Variants in MYLK observed in about 807,000 individuals in gnomAD.
MYLK encodes the protein myosin light chain kinase, smooth muscle.
In MYLK, 106 loss-of-function variants were observed where a neutral mutation model predicts 203.4. The observed-to-expected ratio is 0.52, with a 90% confidence interval of 0.45 to 0.61. MYLK has a LOEUF of 0.61. MYLK is among the 20% of genes least tolerant of loss of function. The pLI, the probability that MYLK is intolerant of heterozygous loss-of-function variation, is 0.00. For synonymous variants in MYLK, 867 were observed against 959.5 expected, an observed-to-expected ratio of 0.90 and a Z score of 1.78; for missense variants, 2,072 against 2,442.3, an observed-to-expected ratio of 0.85 and a Z score of 3.20.
At chr3:123,752,564 G>A (rs1010107476) in intron 4 of MYLK, 26 bp from the exon 5 acceptor site, 3 of 1,594,546 alleles carry the variant, frequency 1.9e-6, no homozygotes, top group African/African-American at 2.7e-5. Flanking sequence ...GAAAGGGTAA[G>A]AGCCTGTATT....
At chr3:123,807,043 G>A (rs1245951147) in intron 3 of MYLK, among the ~76,000 whole-genome samples, 1 of 152,132 alleles carries the variant, frequency 6.6e-6, no homozygotes, top group East Asian at 1.9e-4. Context: ...CTTGCCTAAG[G>A]TCATATAGTT....
At chr3:123,847,050 C>T (rs575005641) in intron 2 of MYLK, among the ~76,000 whole-genome samples, 10 of 151,812 alleles carry the variant, frequency 6.6e-5, no homozygotes, top group Admixed American at 5.3e-4. Flanking sequence ...AACTGCAAAT[C>T]CAAAATATAT....
intron 19 of MYLK, among the ~76,000 whole-genome samples, chr3:123,686,265 G>A (rs972726615): frequency 6.6e-6 from 1 of 152,174 alleles, no homozygotes; most frequent in African/African-American, 2.4e-5. Flanking sequence ...AGATGGAGGT[G>A]TGAGGAAGTG....
intron 2 of MYLK, among the ~76,000 whole-genome samples, chr3:123,842,319 A>G (rs1331525585): frequency 2.6e-5 from 4 of 152,186 alleles, no homozygotes; most frequent in African/African-American, 9.6e-5. Flanking sequence ...TGAGATAAAG[A>G]GGTAGAGAAT....
chr3:123,743,802 T>C (rs1560162646), intron 5 of MYLK, among the ~76,000 whole-genome samples: 1 of 152,214 alleles, frequency 6.6e-6, no homozygotes, highest in South Asian at 2.1e-4. Context: ...GGTCAGAACA[T>C]ACTGCTCAAA....
At chr3:123,708,925 GT>G (rs1239615671) in intron 14 of MYLK, 30 bp from the exon 15 acceptor site, 5 of 1,601,668 alleles carry the variant, frequency 3.1e-6, no homozygotes, top group Non-Finnish European at 4.3e-6. Context: ...AGGGGGATTG[GT>G]TAGGGAGGTC....
intron 3 of MYLK, among the ~76,000 whole-genome samples, chr3:123,809,551 A>G (rs1324886109): frequency 6.6e-6 from 1 of 152,132 alleles, no homozygotes; most frequent in African/African-American, 2.4e-5. Context: ...ACAAACAAAA[A>G]GAAGACCTCT....
At chr3:123,876,232 G>C (rs11928557) in intron 2 of MYLK, among the ~76,000 whole-genome samples, 14,644 of 151,736 alleles carry the variant, frequency 0.097, 1,093 homozygotes, top group East Asian at 0.35. Flanking sequence ...TTTATTCCAG[G>C]AAGGCAAGAA....
At chr3:123,808,248 C>T (rs1377579245) in intron 3 of MYLK, among the ~76,000 whole-genome samples, 1 of 152,194 alleles carries the variant, frequency 6.6e-6, no homozygotes, top group Non-Finnish European at 1.5e-5. Flanking sequence ...TCTCAGGTTC[C>T]TTTAGAATTC....
At chr3:123,810,923 T>G (rs916053586) in intron 3 of MYLK, among the ~76,000 whole-genome samples, 1 of 152,218 alleles carries the variant, frequency 6.6e-6, no homozygotes, top group African/African-American at 2.4e-5. Flanking sequence ...CTTAACAGTC[T>G]CATTTTTCTA....
intron 4 of MYLK, among the ~76,000 whole-genome samples, chr3:123,771,714 A>G (rs769289368): frequency 2.0e-5 from 3 of 152,242 alleles, no homozygotes; most frequent in African/African-American, 4.8e-5. Context: ...TGCATTTAAC[A>G]TAGTGACTCC....
At chr3:123,822,452 C>A (rs537006697) in intron 3 of MYLK, among the ~76,000 whole-genome samples, 5 of 152,292 alleles carry the variant, frequency 3.3e-5, no homozygotes, top group South Asian at 4.1e-4. Flanking sequence ...ACTGGTAGTT[C>A]TGTGTAAGAA....
intron 13 of MYLK, among the ~76,000 whole-genome samples, chr3:123,719,966 T>C (rs1480477502): frequency 2.0e-5 from 3 of 152,168 alleles, no homozygotes; most frequent in Non-Finnish European, 2.9e-5. Flanking sequence ...CCAGGGGGTG[T>C]CGCTGTGCCA....
intron 2 of MYLK, among the ~76,000 whole-genome samples, chr3:123,874,467 A>G (rs1166203389): frequency 6.6e-6 from 1 of 152,156 alleles, no homozygotes; most frequent in Non-Finnish European, 1.5e-5. Context: ...TATACCTTAC[A>G]TCATGTATAA....
chr3:123,769,411 C>T (rs1560194515), intron 4 of MYLK, among the ~76,000 whole-genome samples: 1 of 152,194 alleles, frequency 6.6e-6, no homozygotes, highest in South Asian at 2.1e-4. Flanking sequence ...ATATTTGGCA[C>T]AACTTACTGC....
intron 4 of MYLK, among the ~76,000 whole-genome samples, chr3:123,786,603 G>A (rs943116497): frequency 6.6e-6 from 1 of 151,976 alleles, no homozygotes; most frequent in East Asian, 1.9e-4. Flanking sequence ...TAGCACAACA[G>A]GGTACCTATA....
rs142918017 is a variant in MYLK at position 123,772,277 on chromosome 3, T to A, written c.166-19739A>T. Among the ~76,000 whole-genome samples the A allele has an allele frequency of 3.3e-5, 5 of 152,294 alleles. No individual in the cohort carries two copies. In the East Asian group the frequency reaches 9.6e-4, roughly 29 times the overall value. On this transcript the variant is annotated intron_variant, in intron 4 of 33. Transcript: ENST00000360304. The stretch of plus-strand genomic sequence containing the variant: ...TATTAAAACCATTTTGGTTCACATA[T>A]TGACTAATGAAATAGTCCAGAAAAA...
Position 123,642,013 on chromosome 3 carries a change from CCTGG to C in MYLK, c.4620-1513_4620-1510del, listed in dbSNP as rs558570946. Among the ~76,000 whole-genome samples, 19 of 152,078 alleles carry C rather than the reference CCTGG, an allele frequency of 1.2e-4. No individual in the cohort carries two copies. In the East Asian group the frequency reaches 3.7e-3, roughly 30 times the overall value. On this transcript the variant is annotated intron_variant, in intron 27 of 33. Coordinates refer to ENST00000360304, the MANE Select transcript of MYLK (RefSeq NM_053025.4). This position sits in a 1 kb window ranked among gnomAD's most constrained non-coding sequence, Gnocchi z 4.2. ...AGGACTACAGGTATGTGCCACCGCA[CCTGG>C]CTAATTTTTTTAATGTTTTGTAGAG...
At chr3:123,872,703 C>T (rs1238592706) in intron 2 of MYLK, among the ~76,000 whole-genome samples, 2 of 152,180 alleles carry the variant, frequency 1.3e-5, no homozygotes, top group Non-Finnish European at 2.9e-5. Context: ...AGGGAACTTC[C>T]ATGCCCTCTC....
Sources: allele counts gnomAD v4.1 joint callset (sites outside exome capture counted in the v4.1 genomes callset), GRCh38; gene constraint gnomAD v4.1.1; non-coding constraint Gnocchi (gnomAD v3.1); transcripts MANE v1.5; gene names NCBI Gene and HGNC (gene_info 2026-07-23, HGNC 2026-07-21).